FNDC1: variants seen among roughly 807,000 people sequenced by gnomAD.
FNDC1 encodes the protein fibronectin type III domain-containing protein 1.
A neutral mutation model predicts 168.0 loss-of-function variants in FNDC1; 96 were observed. The observed-to-expected ratio is 0.57, with a 90% CI of 0.48 to 0.68. The LOEUF (loss-of-function observed/expected upper bound fraction) is 0.68, where lower values mean the gene tolerates loss of function less well. Ranked by LOEUF, FNDC1 falls within the 30% of genes least tolerant of loss-of-function variation. FNDC1 has a pLI of 0.00. For synonymous variants in FNDC1, 1,099 were observed against 1,025.9 expected (o/e 1.07, Z -1.36); for missense variants, 2,587 against 2,482.1 (o/e 1.04, Z -0.90).
intron 2 of FNDC1, among the ~76,000 whole-genome samples, chr6:159,198,543 C>T (rs1187125538): frequency 1.3e-5 from 2 of 151,368 alleles, no homozygotes; most frequent in African/African-American, 4.9e-5. Flanking sequence ...GTCCATTTCC[C>T]TTAATCTCTT....
chr6:159,197,436 C>G lies in FNDC1; in HGVS notation c.115C>G (p.His39Asp). 6.2e-7 allele frequency: 1 copy of G among 1,610,770 alleles called. No homozygotes were observed. Among genetic ancestry groups the G allele is most frequent in the Non-Finnish European group, 8.5e-7 (1 of 1,178,560 alleles). ...TAGTTGCGCTGTTTACATAGTTGACCACCCACTGAAGCCAAGGCATGTGAA... is the reference window on the plus strand; with the variant it reads ...TAGTTGCGCTGTTTACATAGTTGACGACCCACTGAAGCCAAGGCATGTGAA... ...VASSAAASVDHPLKPRHVKLL... is the reference protein window; with the variant it reads ...VASSAAASVDDPLKPRHVKLL... Residue 39 changes from histidine to aspartate, a missense_variant, in exon 2 of 23, where the codon CAC (histidine) becomes GAC (aspartate). By Grantham distance (81) the His-to-Asp change is moderately conservative (BLOSUM62 -1). Coordinates refer to ENST00000297267, the MANE Select transcript of FNDC1 (RefSeq NM_032532.3).
At chr6:159,198,480 A>G (rs2114946751) in intron 2 of FNDC1, among the ~76,000 whole-genome samples, 1 of 152,292 alleles carries the variant, frequency 6.6e-6, no homozygotes. Flanking sequence ...CAGAAAGTTT[A>G]TAAAAGGGAG....
At chr6:159,269,345 CCATTTGTT>C (rs373766613) in intron 22 of FNDC1, among the ~76,000 whole-genome samples, 1 of 85,094 alleles carries the variant, frequency 1.2e-5, no homozygotes, top group Non-Finnish European at 2.7e-5. Context: ...ATCTATCTAT[CCATTTGTT>C]TATCTAGGTA....
At chr6:159,207,395 G>A (rs1782508321) in intron 4 of FNDC1, among the ~76,000 whole-genome samples, 1 of 152,106 alleles carries the variant, frequency 6.6e-6, no homozygotes, top group African/African-American at 2.4e-5. Context: ...TCAAGTCCTG[G>A]ACTTGCCTTC....
chr6:159,270,599 C>T (rs1777723665), intron 22 of FNDC1, among the ~76,000 whole-genome samples: 1 of 152,176 alleles, frequency 6.6e-6, no homozygotes, highest in African/African-American at 2.4e-5. Context: ...CAAAAGTAAA[C>T]AGGGCCAAGA....
chr6:159,194,201 T>C (rs1782195859), intron 1 of FNDC1, among the ~76,000 whole-genome samples: 1 of 152,210 alleles, frequency 6.6e-6, no homozygotes, highest in Non-Finnish European at 1.5e-5. Flanking sequence ...TAAGCTTATT[T>C]CCTCATTTTG....
At chr6:159,246,145 A>G (rs911288163) in intron 14 of FNDC1, among the ~76,000 whole-genome samples, 1 of 152,244 alleles carries the variant, frequency 6.6e-6, no homozygotes, top group South Asian at 2.1e-4. Flanking sequence ...TTAAAGTATA[A>G]TTCTGTAGTC....
rs183034353 is a variant in FNDC1, at chr6:159,246,988, A to G, written c.4690+19A>G. ...GATGAAGGTACAAACTGGCTTTTGA[A>G]AAATTATTTGCACACTTTCTTTCCT... is the stretch of plus-strand genomic sequence containing the variant. On this transcript the variant is annotated intron_variant, in intron 15 of 22. Coordinates refer to ENST00000297267, the MANE Select transcript of FNDC1 (RefSeq NM_032532.3). The G allele has an allele frequency of 5.6e-5, 86 of 1,531,240 alleles. No individual in the cohort carries two copies. The African/African-American group carries it at 9.8e-4, about 17-fold the overall frequency. The allele number at this position is 1,531,240 out of a possible 1,614,324, so 94.9% of individuals were successfully genotyped here. A position where few individuals can be genotyped will look rare whatever the true frequency, so the allele number is the denominator to read the frequency against.
intron 1 of FNDC1, among the ~76,000 whole-genome samples, chr6:159,197,138 C>A (rs767592757): frequency 6.6e-6 from 1 of 152,144 alleles, no homozygotes; most frequent in Non-Finnish European, 1.5e-5. Context: ...CTGTCACTAG[C>A]AAGACAGTGT....
At chr6:159,199,886 G>C (rs1230911057) in intron 2 of FNDC1, 110 bp from the exon 3 acceptor site, 1 of 879,368 alleles carries the variant, frequency 1.1e-6, no homozygotes, top group Non-Finnish European at 1.8e-6. Context: ...TTGGATTTTT[G>C]TATTTGGTTA....
Position 159,229,960 on chromosome 6 carries a change from C to G in FNDC1, c.1326C>G (p.Gly442=). 1.2e-6 allele frequency: 2 copies of G among 1,613,894 alleles called. No individual in the cohort carries two copies. Among genetic ancestry groups the G allele is most frequent in the South Asian group, 2.2e-5 (2 of 91,070 alleles). Reference sequence around the variant, plus strand: ...AAATCCGGGCCACAAACAGGAGAGGCCTGGGACCTCACTCCAAAGCCTTCA... The same window carrying G: ...AAATCCGGGCCACAAACAGGAGAGGGCTGGGACCTCACTCCAAAGCCTTCA... ...LFKIRATNRR[G]LGPHSKAFIV... The change falls in exon 10 of 23, where the codon GGC becomes GGG. Residue 442 remains glycine, a synonymous_variant. Coordinates refer to ENST00000297267, the MANE Select transcript of FNDC1 (RefSeq NM_032532.3).
chr6:159,249,981 G>A (rs1417804930), intron 16 of FNDC1, among the ~76,000 whole-genome samples: 5 of 152,240 alleles, frequency 3.3e-5, no homozygotes, highest in East Asian at 1.9e-4. Flanking sequence ...TTGAGGTGGC[G>A]TTCCTGAGGC....
intron 4 of FNDC1, among the ~76,000 whole-genome samples, chr6:159,211,904 T>C (rs771770411): frequency 6.6e-6 from 1 of 152,252 alleles, no homozygotes; most frequent in Non-Finnish European, 1.5e-5. Context: ...ATTCAGAAGC[T>C]ACCAAGTTTA....
chr6:159,259,526 T>C (rs953564366), intron 18 of FNDC1, among the ~76,000 whole-genome samples: 13 of 152,214 alleles, frequency 8.5e-5, no homozygotes, highest in African/African-American at 2.7e-4. Context: ...CTCCTTGACG[T>C]TGACTACTCA....
chr6:159,189,014 A>G (rs1406219457), intron 1 of FNDC1, among the ~76,000 whole-genome samples: 1 of 152,080 alleles, frequency 6.6e-6, no homozygotes, highest in Non-Finnish European at 1.5e-5. Flanking sequence ...AGCCTCCCCA[A>G]GTGCTGGGAT....
At chr6:159,242,133 C>T (rs1783435382) in intron 14 of FNDC1, among the ~76,000 whole-genome samples, 1 of 152,174 alleles carries the variant, frequency 6.6e-6, no homozygotes, top group Non-Finnish European at 1.5e-5. Context: ...TCCATATACA[C>T]CATGGAATAC....
rs767178555 is a variant in FNDC1, at chr6:159,232,059, A to G, written c.1547A>G (p.Asn516Ser). The change falls in exon 11 of 23, where the codon AAT (asparagine) becomes AGT (serine). Residue 516 changes from asparagine to serine, a missense_variant. By Grantham distance (46) the Asn-to-Ser change is conservative. Coordinates refer to ENST00000297267, the MANE Select transcript of FNDC1 (RefSeq NM_032532.3). This position sits in a 1 kb window ranked among gnomAD's most constrained non-coding sequence, Gnocchi z 4.9. ...LLDLKNKILA[N>S]GGAPRKPQLR... ...GACTTGAAGAACAAAATATTGGCTA[A>G]TGGTGGGGCGCCCCGAAAACCCCAG... is the stretch of plus-strand genomic sequence containing the variant. The G allele has an allele frequency of 1.9e-6, 3 of 1,613,744 alleles. No individual in the cohort carries two copies. Among genetic ancestry groups the G allele is most frequent in the Non-Finnish European group, 2.5e-6 (3 of 1,179,854 alleles).
intron 15 of FNDC1, among the ~76,000 whole-genome samples, chr6:159,247,694 G>C (rs1447412038): frequency 6.6e-6 from 1 of 151,172 alleles, no homozygotes; most frequent in African/African-American, 2.5e-5. Flanking sequence ...AGCTATGATG[G>C]CACCACTGCA....
chr6:159,236,433 A>G, intron 12 of FNDC1, 118 bp downstream of exon 12: 1 of 690,988 alleles, frequency 1.4e-6, no homozygotes, highest in Non-Finnish European at 2.5e-6. Context: ...CTCTAGTTTT[A>G]ACTACTTATA....
Sources: gnomAD v4.1 joint callset for allele counts (sites outside exome capture counted in the v4.1 genomes callset) on GRCh38, gnomAD v4.1.1 for gene constraint, Gnocchi (gnomAD v3.1) non-coding constraint, MANE v1.5 for transcripts, NCBI Gene and HGNC (gene_info 2026-07-23, HGNC 2026-07-21) for gene names.